The following TULP2 variants were observed in gnomAD, a reference collection of about 807,000 sequenced individuals.
TULP2 encodes tubby-related protein 2.
Under a neutral mutation model 60.3 loss-of-function variants are expected in TULP2, and 64 were observed. The ratio of observed to expected loss-of-function variants is 1.06; its 90% CI spans 0.87 to 1.31. TULP2 has a LOEUF of 1.31. Among genes scored for constraint, TULP2 ranks in the 50% most tolerant of loss-of-function variants. The pLI is 0.00. For synonymous variants in TULP2, 267 were observed against 265.4 expected (o/e 1.01, Z -0.06); for missense variants, 652 against 667.0 (o/e 0.98, Z 0.25).
chr19:48,892,605 G>A (rs981342758), intron 6 of TULP2, among the ~76,000 whole-genome samples: 3 of 151,590 alleles, frequency 2.0e-5, no homozygotes, highest in Admixed American at 6.6e-5. Flanking sequence ...CCGGGTTCAC[G>A]CCGTTTTACT....
rs573344595 is a variant in TULP2 at position 48,881,948 on chromosome 19, G to A, written c.1447+84C>T. 173 of 1,579,880 alleles carry A rather than the reference G, an allele frequency of 1.1e-4. 2 individuals are homozygous for A. In the South Asian group the frequency reaches 1.8e-3, roughly 16 times the overall value. On this transcript the variant is annotated intron_variant, in intron 12 of 12. Transcript: ENST00000221399. ...GCCCTGCCTAGAAAAACGCTCAAGT[G>A]ATGATGGGAGATGTAGTTCCCTTCC...
At chr19:48,889,048 C>G (rs1040065917) in intron 7 of TULP2, among the ~76,000 whole-genome samples, 4 of 145,284 alleles carry the variant, frequency 2.8e-5, no homozygotes, top group Non-Finnish European at 3.0e-5. Flanking sequence ...GCAATCTCAG[C>G]TCACTGCAAC....
chr19:48,891,733 G>A (rs1365494840), intron 6 of TULP2, among the ~76,000 whole-genome samples: 2 of 152,176 alleles, frequency 1.3e-5, no homozygotes, highest in South Asian at 2.1e-4. Flanking sequence ...CCAGTGCTCC[G>A]CAAGTGAGGA....
chr19:48,895,937 C>G (rs944489698), intron 4 of TULP2, among the ~76,000 whole-genome samples: 3 of 152,180 alleles, frequency 2.0e-5, no homozygotes, highest in African/African-American at 4.8e-5. Context: ...AGACCCAGGT[C>G]CCAAACTGCA....
intron 12 of TULP2, 66 bp from the exon 13 acceptor site, chr19:48,881,192 A>AT: frequency 2.3e-5 from 14 of 614,542 alleles, no homozygotes; most frequent in South Asian, 1.5e-4. Context: ...GAGAACTGAG[A>AT]CTTTTTTTTT....
chr19:48,884,692 C>A (rs529072340), intron 9 of TULP2, among the ~76,000 whole-genome samples: 1 of 151,678 alleles, frequency 6.6e-6, no homozygotes, highest in African/African-American at 2.4e-5. Context: ...ATTGCTTGAA[C>A]CTGGGAGGCG....
intron 7 of TULP2, 98 bp downstream of exon 7, chr19:48,889,412 G>T: frequency 6.7e-7 from 1 of 1,481,770 alleles, no homozygotes; most frequent in Non-Finnish European, 9.0e-7. Flanking sequence ...AGGAAAAAGA[G>T]CTTCTGATTG....
rs764696014 is a variant in TULP2 at position 48,895,007 on chromosome 19, G to A, written c.505C>T (p.Gln169Ter). ...RIRRKGWQAH[Q>*]RPGTRAEGES... ...ATGTCCCCTAAATTACCAGGTCGTT[G>A]GTGGGCTTGCCAACCCTTGCGTCGG... Residue 169 changes from glutamine to a stop codon, truncating the protein, a stop_gained, in exon 6 of 13, where the codon CAA becomes TAA. Coordinates refer to ENST00000221399, the MANE Select transcript of TULP2 (RefSeq NM_003323.3). LOFTEE classifies it high-confidence loss of function. 1 of 1,612,566 alleles carries A rather than the reference G, an allele frequency of 6.2e-7. No homozygotes were observed. The highest frequency in any genetic ancestry group is 2.2e-5 in the East Asian group (1 of 44,872).
At chr19:48,898,527 C>CT (rs1406648687) in intron 1 of TULP2, 63 bp downstream of exon 1, 1 of 151,948 alleles carries the variant, frequency 6.6e-6, no homozygotes, top group African/African-American at 2.4e-5. Flanking sequence ...CACCAGGTGC[C>CT]TGGAGAGGCT....
chr19:48,894,197 T>C (rs1470196123), intron 6 of TULP2, among the ~76,000 whole-genome samples: 2 of 152,058 alleles, frequency 1.3e-5, no homozygotes, highest in Non-Finnish European at 2.9e-5. Flanking sequence ...CTTGCCTGGC[T>C]AATTTTTGTA....
rs1239519193 is a variant in TULP2 at position 48,897,814 on chromosome 19, T to C, written c.32+23A>G. The C allele has an allele frequency of 1.9e-6, 3 of 1,613,532 alleles. No homozygotes were observed. The highest frequency in any genetic ancestry group is 1.7e-6 in the Non-Finnish European group (2 of 1,179,676). On this transcript the variant is annotated intron_variant, in intron 2 of 12. Transcript: ENST00000221399. The surrounding 1 kb of genome is among the most constrained non-coding windows in gnomAD (Gnocchi z 4.0). ...CCCCAGCCCTTTCCACCTCCACCCC[T>C]ACCCATCTGTTTCCCTACTCACTCT...
chr19:48,894,360 G>T (rs547955946), intron 6 of TULP2, among the ~76,000 whole-genome samples: 1 of 151,742 alleles, frequency 6.6e-6, no homozygotes, highest in Non-Finnish European at 1.5e-5. Flanking sequence ...AGCTATTTAC[G>T]GGCCAGGCAT....
chr19:48,884,138 C>T, intron 9 of TULP2, 92 bp from the exon 10 acceptor site: 2 of 1,036,246 alleles, frequency 1.9e-6, no homozygotes, highest in Non-Finnish European at 1.5e-6. Context: ...CCATCAATCC[C>T]CTATGTCTAA....
intron 4 of TULP2, among the ~76,000 whole-genome samples, chr19:48,895,864 A>T (rs2037274310): frequency 6.6e-6 from 1 of 152,064 alleles, no homozygotes. Context: ...TGGCAACAAG[A>T]GCTAAACTCC....
intron 11 of TULP2, 55 bp downstream of exon 11, chr19:48,883,699 A>G (rs994217061): frequency 1.3e-6 from 2 of 1,594,974 alleles, no homozygotes; most frequent in Admixed American, 1.7e-5. Context: ...ATCTAGGAGG[A>G]CCGGCCCCAG....
chr19:48,889,425 T>G, intron 7 of TULP2, 85 bp downstream of exon 7: 2 of 1,486,780 alleles, frequency 1.3e-6, no homozygotes, highest in Non-Finnish European at 1.8e-6. Flanking sequence ...TCTGATTGGG[T>G]GGCAGAATTT....
intron 11 of TULP2, among the ~76,000 whole-genome samples, chr19:48,882,770 T>C (rs2037146207): frequency 6.6e-6 from 1 of 152,196 alleles, no homozygotes; most frequent in Admixed American, 6.5e-5. Flanking sequence ...AGGAACAGGC[T>C]ATGACCTAAT....
chr19:48,897,247 C>G lies in TULP2; in HGVS notation c.84+98G>C. ...AAACTCAAGGATGAGAGACAGCCAACACGGGCTGGGAGTCCTAGAGCAAGA... is the reference window on the plus strand; with the variant it reads ...AAACTCAAGGATGAGAGACAGCCAAGACGGGCTGGGAGTCCTAGAGCAAGA... On this transcript the variant is annotated intron_variant, in intron 3 of 12. Coordinates refer to ENST00000221399, the MANE Select transcript of TULP2 (RefSeq NM_003323.3). The surrounding 1 kb of genome is among the most constrained non-coding windows in gnomAD (Gnocchi z 4.0). The G allele has an allele frequency of 1.5e-6, 2 of 1,337,492 alleles. No individual in the cohort carries two copies. Among genetic ancestry groups the G allele is most frequent in the Non-Finnish European group, 2.1e-6 (2 of 946,314 alleles). 82.9% of individuals were successfully genotyped at this position (1,337,492 alleles called of 1,614,324 possible). A position where few individuals can be genotyped will look rare whatever the true frequency, so the allele number is the denominator to read the frequency against.
chr19:48,888,370 T>G, intron 7 of TULP2, 109 bp from the exon 8 acceptor site: 1 of 1,167,940 alleles, frequency 8.6e-7, no homozygotes, highest in Non-Finnish European at 1.2e-6. Context: ...ATCCACATTT[T>G]CTGCTTATTG....
Sources: allele counts gnomAD v4.1 joint callset (sites outside exome capture counted in the v4.1 genomes callset), GRCh38; gene constraint gnomAD v4.1.1; non-coding constraint Gnocchi (gnomAD v3.1); transcripts MANE v1.5; gene names NCBI Gene and HGNC (gene_info 2026-07-23, HGNC 2026-07-21).